NBEA: variants seen among roughly 807,000 people sequenced by gnomAD.
NBEA encodes neurobeachin.
Under a neutral mutation model 343.4 loss-of-function variants are expected in NBEA, and 44 were observed. The ratio of observed to expected loss-of-function variants is 0.13; its 90% CI spans 0.10 to 0.16. The LOEUF (loss-of-function observed/expected upper bound fraction) is 0.16. NBEA is among the 10% of genes least tolerant of loss of function. NBEA has a pLI of 1.00. For missense variants in NBEA, 2,555 were observed against 3,631.3 expected, an observed-to-expected ratio of 0.70 and a Z score of 7.62; for synonymous variants, 1,175 against 1,238.7, an observed-to-expected ratio of 0.95 and a Z score of 1.08.
intron 17 of NBEA, among the ~76,000 whole-genome samples, chr13:35,138,610 T>A (rs2067880676): frequency 6.6e-6 from 1 of 151,874 alleles, no homozygotes; most frequent in Non-Finnish European, 1.5e-5. Flanking sequence ...CAGGCGCCTG[T>A]CACCATGCCC....
chr13:35,021,280 T>C (rs1320742911), intron 1 of NBEA, among the ~76,000 whole-genome samples: 1 of 152,192 alleles, frequency 6.6e-6, no homozygotes, highest in African/African-American at 2.4e-5. Context: ...AATTGAGTAG[T>C]TATCATGGAG....
chr13:35,205,337 A>AT (rs1199508270), intron 31 of NBEA, among the ~76,000 whole-genome samples: 1 of 152,150 alleles, frequency 6.6e-6, no homozygotes, highest in African/African-American at 2.4e-5. Context: ...ATTTGAACAC[A>AT]TAAGTGATTA....
intron 17 of NBEA, among the ~76,000 whole-genome samples, chr13:35,134,492 A>G (rs1239450365): frequency 1.3e-5 from 2 of 152,008 alleles, no homozygotes; most frequent in Non-Finnish European, 2.9e-5. Flanking sequence ...ATGCAAAAAT[A>G]TCTTACCTAC....
chr13:35,354,074 TACTTAAAGTTA>T (rs2040355324), intron 38 of NBEA, among the ~76,000 whole-genome samples: 1 of 151,942 alleles, frequency 6.6e-6, no homozygotes, highest in South Asian at 2.1e-4. Flanking sequence ...TAATATCCTT[TACTTAAAGTTA>T]ACTGACTGTA....
chr13:35,220,623 A>C (rs1410815937), intron 33 of NBEA, among the ~76,000 whole-genome samples: 1 of 151,934 alleles, frequency 6.6e-6, no homozygotes, highest in African/African-American at 2.4e-5. Flanking sequence ...ACTCCAACCC[A>C]CCTGATGTCT....
intron 45 of NBEA, among the ~76,000 whole-genome samples, chr13:35,579,092 A>G (rs2153034914): frequency 6.6e-6 from 1 of 152,312 alleles, no homozygotes; most frequent in Non-Finnish European, 1.5e-5. Flanking sequence ...AACCTATGTA[A>G]CAGTAGAATC....
chr13:35,125,824 GCATACATACATA>G (rs148274320), intron 17 of NBEA, among the ~76,000 whole-genome samples: 16 of 151,388 alleles, frequency 1.1e-4, no homozygotes, highest in African/African-American at 1.7e-4. Flanking sequence ...ATAAACAAAT[GCATACATACATA>G]CATACATACA....
At chr13:35,601,827 G>A (rs2082070119) in intron 47 of NBEA, among the ~76,000 whole-genome samples, 1 of 146,236 alleles carries the variant, frequency 6.8e-6, no homozygotes, top group Non-Finnish European at 1.5e-5. Context: ...TTAAAAGGCA[G>A]AATACAGAAT....
intron 38 of NBEA, among the ~76,000 whole-genome samples, chr13:35,390,865 ATGT>A (rs1438101668): frequency 6.6e-6 from 1 of 152,130 alleles, no homozygotes; most frequent in East Asian, 1.9e-4. Flanking sequence ...ATCAGTGTAC[ATGT>A]TGTTATTTTC....
At chr13:35,507,086 A>C (rs2152984285) in intron 41 of NBEA, among the ~76,000 whole-genome samples, 1 of 152,256 alleles carries the variant, frequency 6.6e-6, no homozygotes, top group South Asian at 2.1e-4. Flanking sequence ...TGCTTTTGTT[A>C]AGGTCACCAA....
chr13:35,637,006 G>A (rs985116732), intron 49 of NBEA, among the ~76,000 whole-genome samples: 1 of 152,134 alleles, frequency 6.6e-6, no homozygotes, highest in South Asian at 2.1e-4. Context: ...CAGTGAAAAT[G>A]CCCCTTGCTT....
chr13:34,980,773 T>C (rs2060330136), intron 1 of NBEA, among the ~76,000 whole-genome samples: 1 of 152,190 alleles, frequency 6.6e-6, no homozygotes, highest in Admixed American at 6.5e-5. Context: ...ATTTATCTAG[T>C]TGAAAAAGTT....
In NBEA at chr13:34,985,099, G is replaced by T. The variant is rs567121778; in HGVS notation, c.294+41985G>T. On this transcript the variant is annotated intron_variant, in intron 1 of 58. Coordinates refer to ENST00000379939, the MANE Select transcript of NBEA (RefSeq NM_001385012.1). ...TGTTGAATAGGAGTGGTGAGAGAGGGCATCCTTGTCTTGTGCCAGTTTTCA... is the reference window on the plus strand; with the variant it reads ...TGTTGAATAGGAGTGGTGAGAGAGGTCATCCTTGTCTTGTGCCAGTTTTCA... Among the ~76,000 whole-genome samples the T allele has an allele frequency of 1.2e-3, 180 of 151,112 alleles. 12 individuals carry two copies. In the South Asian group the frequency reaches 0.014, roughly 12 times the overall value.
intron 39 of NBEA, among the ~76,000 whole-genome samples, chr13:35,442,571 A>G (rs2045797331): frequency 6.6e-6 from 1 of 152,112 alleles, no homozygotes; most frequent in Admixed American, 6.6e-5. Flanking sequence ...TTAAGTTAAC[A>G]TTTCATACTT....
intron 47 of NBEA, among the ~76,000 whole-genome samples, chr13:35,605,266 A>C (rs1251095709): frequency 6.6e-6 from 1 of 152,210 alleles, no homozygotes; most frequent in African/African-American, 2.4e-5. Context: ...AGTGATCATC[A>C]TAAGAGTAAT....
At chr13:35,292,557 CTGATGAATCT>C (rs1213583394) in intron 35 of NBEA, among the ~76,000 whole-genome samples, 1 of 151,910 alleles carries the variant, frequency 6.6e-6, no homozygotes, top group African/African-American at 2.4e-5. Flanking sequence ...GTAGGTAATC[CTGATGAATCT>C]TGAAAGCTGC....
intron 1 of NBEA, among the ~76,000 whole-genome samples, chr13:35,008,706 C>T (rs1299937632): frequency 2.0e-5 from 3 of 152,152 alleles, no homozygotes; most frequent in African/African-American, 7.2e-5. Context: ...TCTCATCAAC[C>T]CCTGGCAGTC....
chr13:35,167,914 C>A (rs896873773), intron 24 of NBEA, among the ~76,000 whole-genome samples: 3 of 151,750 alleles, frequency 2.0e-5, no homozygotes, highest in Non-Finnish European at 4.4e-5. Context: ...TATTATGGAG[C>A]TTAATTCAGG....
intron 38 of NBEA, among the ~76,000 whole-genome samples, chr13:35,379,564 T>C (rs999566144): frequency 7.9e-5 from 12 of 152,188 alleles, no homozygotes; most frequent in African/African-American, 2.2e-4. Flanking sequence ...TGATTTCTGT[T>C]TTTTGTTTAA....
Sources: gnomAD v4.1 joint callset for allele counts (sites outside exome capture counted in the v4.1 genomes callset) on GRCh38, gnomAD v4.1.1 for gene constraint, MANE v1.5 for transcripts, NCBI Gene and HGNC (gene_info 2026-07-23, HGNC 2026-07-21) for gene names.